The following RABL3 variants were observed in gnomAD, a reference collection of about 807,000 sequenced individuals.
The protein encoded by RABL3 is RAB, member of RAS oncogene family like 3, also known as rab-like protein 3.
Under a neutral mutation model 31.8 loss-of-function variants are expected in RABL3, and 31 were observed. The ratio of observed to expected loss-of-function variants is 0.97; its 90% CI spans 0.73 to 1.31. The LOEUF (loss-of-function observed/expected upper bound fraction) is 1.31. RABL3 is among the 40% of genes most tolerant of loss of function. The pLI is 0.00. For missense variants in RABL3, 263 were observed against 279.6 expected (o/e 0.94, Z 0.42); for synonymous variants, 97 against 99.9 (o/e 0.97, Z 0.18).
At chr3:120,717,170 C>T (rs561253823) in intron 2 of RABL3, among the ~76,000 whole-genome samples, 13 of 151,728 alleles carry the variant, frequency 8.6e-5, no homozygotes, top group South Asian at 6.2e-4. Flanking sequence ...GCAGGAGAAT[C>T]GCTTGAACCT....
intron 4 of RABL3, 52 bp from the exon 5 acceptor site, chr3:120,698,625 A>T (rs1204384461): frequency 1.4e-6 from 2 of 1,460,966 alleles, no homozygotes; most frequent in African/African-American, 1.4e-5. Context: ...TCTGGTGTAG[A>T]TGTGTAATAT....
chr3:120,690,571 G>A lies in RABL3; in HGVS notation c.607-84C>T. The A allele has an allele frequency of 3.4e-6, 3 of 887,460 alleles. No homozygotes were observed. In the South Asian group the frequency reaches 4.3e-5, roughly 13 times the overall value. 55.0% of individuals were successfully genotyped at this position (887,460 alleles called of 1,614,324 possible). A position where few individuals can be genotyped will look rare whatever the true frequency, so the allele number is the denominator to read the frequency against. On this transcript the variant is annotated intron_variant, in intron 6 of 7. Transcript: ENST00000273375. The stretch of plus-strand genomic sequence containing the variant: ...GCAACGACCACTAATGGTACTAAAA[G>A]GAATATATCCAAACTAAGAATCTTT...
rs1167188767 is a variant in RABL3 at position 120,719,995 on chromosome 3, G to GTTTT, written c.139-10087_139-10086insAAAA. ...ACTCCTCTGAGACAAAACTTCCAGA[G>GTTTT]GAACAATCAGGCAGCAACATTTGCT... On this transcript the variant is annotated intron_variant, in intron 2 of 7. Coordinates refer to ENST00000273375, the MANE Select transcript of RABL3 (RefSeq NM_173825.5). 5.1e-4 allele frequency among the ~76,000 whole-genome samples: 77 copies of GTTTT among 152,246 alleles called. 1 individual carries two copies. The highest frequency in any genetic ancestry group is 1.9e-3 in the Admixed American group (29 of 15,306).
chr3:120,713,680 ACTC>A (rs1708636091), intron 2 of RABL3, among the ~76,000 whole-genome samples: 1 of 151,940 alleles, frequency 6.6e-6, no homozygotes, highest in African/African-American at 2.4e-5. Flanking sequence ...AAGGAACAGT[ACTC>A]CTCAACGATG....
At chr3:120,732,618 C>T (rs543620927) in intron 1 of RABL3, among the ~76,000 whole-genome samples, 1 of 151,808 alleles carries the variant, frequency 6.6e-6, no homozygotes, top group Non-Finnish European at 1.5e-5. Flanking sequence ...CAATGTGCAG[C>T]TTTGTTACAT....
chr3:120,726,613 T>G (rs1054291656), intron 2 of RABL3, among the ~76,000 whole-genome samples: 2 of 151,930 alleles, frequency 1.3e-5, no homozygotes, highest in African/African-American at 2.4e-5. Flanking sequence ...CATGGTGGTG[T>G]TGTGCCTGTA....
chr3:120,690,300 T>C, intron 7 of RABL3, 149 bp downstream of exon 7: 1 of 629,362 alleles, frequency 1.6e-6, no homozygotes, highest in Non-Finnish European at 2.9e-6. Context: ...TCTGATTTTC[T>C]CCTTTTGTAT....
At chr3:120,740,913 A>G (rs1345658386) in intron 1 of RABL3, among the ~76,000 whole-genome samples, 1 of 152,216 alleles carries the variant, frequency 6.6e-6, no homozygotes, top group Non-Finnish European at 1.5e-5. Flanking sequence ...TTACTTTTCC[A>G]CATTTAATGT....
At chr3:120,740,872 C>T (rs1171279123) in intron 1 of RABL3, among the ~76,000 whole-genome samples, 2 of 152,124 alleles carry the variant, frequency 1.3e-5, no homozygotes, top group Non-Finnish European at 2.9e-5. Flanking sequence ...ACAGGGGAGG[C>T]GGGCAGTAGG....
chr3:120,724,380 T>C (rs1443857179), intron 2 of RABL3, among the ~76,000 whole-genome samples: 1 of 152,154 alleles, frequency 6.6e-6, no homozygotes, highest in Admixed American at 6.5e-5. Context: ...CTGCCCAAGG[T>C]AATTTATAGA....
At position 120,685,539 on chromosome 3, in the gene RABL3, A is replaced by G. The variant is rs1192613898; in HGVS notation, c.*4284T>C. Among the ~76,000 whole-genome samples, 1 of 152,222 alleles carries G rather than the reference A, an allele frequency of 6.6e-6. No individual in the cohort carries two copies. Among genetic ancestry groups the G allele is most frequent in the Non-Finnish European group, 1.5e-5 (1 of 68,042 alleles). On this transcript the variant is annotated 3_prime_UTR_variant, in exon 8 of 8. Transcript: ENST00000273375. ...ACCCAGGGGAAAAACAGTGGCAGTA[A>G]TAAAAATGATAGCAATACATGAAAG...
At chr3:120,732,059 C>CA (rs935979516) in intron 1 of RABL3, among the ~76,000 whole-genome samples, 11 of 150,310 alleles carry the variant, frequency 7.3e-5, no homozygotes, top group South Asian at 2.1e-4. Flanking sequence ...ACACTGTCTA[C>CA]AAAAAAAAAT....
chr3:120,692,219 G>C lies in RABL3; in HGVS notation c.607-1732C>G, dbSNP rs529156965. Among the ~76,000 whole-genome samples the C allele has an allele frequency of 2.6e-5, 4 of 151,842 alleles. No individual in the cohort carries two copies. In the East Asian group the frequency reaches 5.8e-4, roughly 22 times the overall value. On this transcript the variant is annotated intron_variant, in intron 6 of 7. Transcript: ENST00000273375. ...AAATCTTTTTTTTTTGTTTGTTTCA[G>C]ATGGAGTCCTGCTCTGTCACCCAGG...
At position 120,687,197 on chromosome 3, in the gene RABL3, A is replaced by G. The variant is rs189616082; in HGVS notation, c.*2626T>C. The G allele has an allele frequency of 2.6e-5, 4 of 152,326 alleles. No individual in the cohort carries two copies. The highest frequency in any genetic ancestry group is 3.4e-3 in the Middle Eastern group (1 of 294). The allele number at this position is 152,326 out of a possible 1,614,324, so 9.4% of individuals were successfully genotyped here. On this transcript the variant is annotated 3_prime_UTR_variant, in exon 8 of 8. Transcript: ENST00000273375. ...GCCTTCATATCTGGTCACCTTCACA[A>G]TGAGTCAGAAAATTGGTCAGACACC... is the stretch of plus-strand genomic sequence containing the variant.
At chr3:120,720,788 C>T (rs1708729993) in intron 2 of RABL3, among the ~76,000 whole-genome samples, 1 of 152,122 alleles carries the variant, frequency 6.6e-6, no homozygotes. Context: ...AGAACTTCCC[C>T]AATCTAGCAA....
At chr3:120,693,372 AT>A (rs995030040) in intron 6 of RABL3, among the ~76,000 whole-genome samples, 3 of 152,364 alleles carry the variant, frequency 2.0e-5, no homozygotes, top group African/African-American at 7.2e-5. Context: ...AAAGAAAAAA[AT>A]GATTGATAAA....
At chr3:120,733,966 G>A (rs1708921398) in intron 1 of RABL3, among the ~76,000 whole-genome samples, 1 of 152,212 alleles carries the variant, frequency 6.6e-6, no homozygotes, top group East Asian at 1.9e-4. Context: ...TTGTAGTGTA[G>A]TTTGAAGTCA....
chr3:120,735,209 C>A (rs538313142), intron 1 of RABL3, among the ~76,000 whole-genome samples: 5 of 142,492 alleles, frequency 3.5e-5, no homozygotes, highest in African/African-American at 9.8e-5. Flanking sequence ...TTAATTATTG[C>A]CTCAATTTCC....
chr3:120,731,919 C>G (rs957626276), intron 1 of RABL3, among the ~76,000 whole-genome samples: 6 of 152,162 alleles, frequency 3.9e-5, no homozygotes, highest in African/African-American at 1.4e-4. Flanking sequence ...ATTAGCCAGG[C>G]ATGGTGGCCT....
Sources: gnomAD v4.1 joint callset for allele counts (sites outside exome capture counted in the v4.1 genomes callset) on GRCh38, gnomAD v4.1.1 for gene constraint, MANE v1.5 for transcripts, NCBI Gene and HGNC (gene_info 2026-07-23, HGNC 2026-07-21) for gene names.